The following DMD variants were observed in gnomAD, a reference collection of about 807,000 sequenced individuals.
DMD encodes the protein dystrophin, also known as mutant dystrophin.
In DMD, 63 loss-of-function variants were observed where a neutral mutation model predicts 330.1. The observed-to-expected ratio is 0.19, with a 90% CI of 0.16 to 0.24. DMD has a LOEUF of 0.24. DMD is among the 10% of genes least tolerant of loss of function. The pLI, the probability that DMD is intolerant of heterozygous loss-of-function variation, is 1.00. For synonymous variants in DMD, 1,223 were observed against 959.8 expected, an observed-to-expected ratio of 1.27 and a Z score of -5.07; for missense variants, 3,344 against 2,684.1, an observed-to-expected ratio of 1.25 and a Z score of -5.43.
At position 31,147,375 on chromosome X, in the gene DMD, C is replaced by A; in HGVS notation, c.10697G>T (p.Arg3566Leu). The A allele has an allele frequency of 8.3e-7, 1 of 1,209,943 alleles. No individual in the cohort carries two copies. Among genetic ancestry groups the A allele is most frequent in the Non-Finnish European group, 1.1e-6 (1 of 895,114 alleles). Residue 3566 changes from arginine to leucine, a missense_variant, in exon 75 of 79, where the codon CGT (arginine) becomes CTT (leucine). By Grantham distance (102) the Arg-to-Leu change is moderately radical. Transcript: ENST00000357033. Reference protein sequence around the residue: ...AELIAEAKLLRQHKGRLEARM... With the variant: ...AELIAEAKLLLQHKGRLEARM... ...GGCTTCCAGGCGGCCTTTGTGTTGA[C>A]GCAGTAGCTTGGCCTCAGCAATGAG...
At chrX:33,007,566 A>C (rs2093420959) in intron 2 of DMD, among the ~76,000 whole-genome samples, 1 of 111,661 alleles carries the variant, frequency 9.0e-6, no homozygotes, top group African/African-American at 3.2e-5. Context: ...TGCAGAGAGA[A>C]AAAACAAACA....
rs199774174 is a variant in DMD at position 32,863,537 on chromosome X, TACACACACACAC to T, written c.94-13729_94-13718del. 9.9e-3 allele frequency among the ~76,000 whole-genome samples: 775 copies of T among 78,229 alleles called. 16 individuals carry two copies. The highest frequency in any genetic ancestry group is 0.041 in the African/African-American group (651 of 15,947). 67.9% of individuals were successfully genotyped at this position (78,229 alleles called of 115,157 possible). On this transcript the variant is annotated intron_variant, in intron 2 of 78. Transcript: ENST00000357033. ...AAAAAAAAAAAAAAGATTGTGTTTA[TACACACACACAC>T]ACACACACACACACACACACACACA...
chrX:32,481,708 A>C, intron 21 of DMD, among the ~76,000 whole-genome samples: 1 of 111,836 alleles, frequency 8.9e-6, no homozygotes, highest in South Asian at 3.7e-4. Flanking sequence ...TTTGGTTCTA[A>C]CATCATCTCC....
intron 42 of DMD, among the ~76,000 whole-genome samples, chrX:32,309,700 T>C (rs1303275123): frequency 3.6e-5 from 4 of 111,226 alleles, no homozygotes; most frequent in African/African-American, 1.3e-4. Flanking sequence ...ACAATATACA[T>C]TACATATAAA....
At chrX:31,455,101 G>C (rs1484879809) in intron 59 of DMD, among the ~76,000 whole-genome samples, 1 of 107,837 alleles carries the variant, frequency 9.3e-6, no homozygotes, top group African/African-American at 3.4e-5. Flanking sequence ...GCTTACTCTT[G>C]ACTTAGAACC....
chrX:31,796,725 T>C (rs2091848567), intron 50 of DMD, among the ~76,000 whole-genome samples: 1 of 111,887 alleles, frequency 8.9e-6, no homozygotes, highest in Non-Finnish European at 1.9e-5. Context: ...TCCTCAATAT[T>C]GGAGGTGGGG....
At chrX:31,360,740 T>C (rs1254742189) in intron 60 of DMD, among the ~76,000 whole-genome samples, 1 of 111,889 alleles carries the variant, frequency 8.9e-6, no homozygotes, top group Non-Finnish European at 1.9e-5. Context: ...TCATGGACGG[T>C]TGAACAAAGA....
chrX:33,100,481 C>T (rs1033887910), intron 1 of DMD, among the ~76,000 whole-genome samples: 2 of 111,122 alleles, frequency 1.8e-5, no homozygotes, highest in Non-Finnish European at 3.8e-5. Flanking sequence ...CACCTGAGGC[C>T]AGGAGTTCGA....
chrX:32,602,633 G>A (rs2056320737), intron 12 of DMD, among the ~76,000 whole-genome samples: 1 of 111,185 alleles, frequency 9.0e-6, no homozygotes, highest in South Asian at 3.7e-4. Context: ...AGAACTACAG[G>A]AGTAATGGTG....
chrX:33,319,679 A>C (rs181526601), intron 1 of DMD, among the ~76,000 whole-genome samples: 19 of 112,377 alleles, frequency 1.7e-4, no homozygotes, highest in African/African-American at 5.8e-4. Flanking sequence ...ATGTAAATCT[A>C]GCAGAATGCA....
At chrX:32,229,970 G>C (rs2097163090) in intron 43 of DMD, among the ~76,000 whole-genome samples, 1 of 108,218 alleles carries the variant, frequency 9.2e-6, no homozygotes, top group South Asian at 4.0e-4. Flanking sequence ...AAACTTTGTA[G>C]TCTTTAACAC....
intron 60 of DMD, among the ~76,000 whole-genome samples, chrX:31,425,730 C>G: frequency 1.4e-5 from 1 of 73,094 alleles, no homozygotes; most frequent in Non-Finnish European, 2.2e-5. Flanking sequence ...TACAGTTATC[C>G]TTGAACCTTA....
chrX:31,907,166 G>C (rs1370079883), intron 47 of DMD, among the ~76,000 whole-genome samples: 1 of 111,774 alleles, frequency 8.9e-6, no homozygotes, highest in Non-Finnish European at 1.9e-5. Context: ...AGCTCAAGTA[G>C]TTTTGGGATG....
chrX:33,044,002 T>G (rs1423283933), intron 1 of DMD, among the ~76,000 whole-genome samples: 1 of 111,550 alleles, frequency 9.0e-6, no homozygotes, highest in Admixed American at 9.5e-5. Flanking sequence ...AATCTAAATC[T>G]GCAAAACGAA....
intron 13 of DMD, chrX:32,583,576 G>C (rs979870852): frequency 2.7e-5 from 3 of 112,053 alleles, no homozygotes; most frequent in African/African-American, 9.8e-5. Context: ...CATGAGGACA[G>C]GCAAGTAGAG....
At chrX:31,812,265 T>C (rs1283302297) in intron 50 of DMD, among the ~76,000 whole-genome samples, 2 of 109,550 alleles carry the variant, frequency 1.8e-5, no homozygotes, top group African/African-American at 6.6e-5. Context: ...ATGTCCTTTG[T>C]AGGGATATGG....
At chrX:32,495,053 G>A (rs2043352718) in intron 19 of DMD, among the ~76,000 whole-genome samples, 1 of 111,500 alleles carries the variant, frequency 9.0e-6, no homozygotes, top group African/African-American at 3.3e-5. Context: ...TGAGATTGAA[G>A]TTATAAAGAA....
intron 52 of DMD, among the ~76,000 whole-genome samples, chrX:31,712,263 T>C (rs929980297): frequency 2.7e-5 from 3 of 111,488 alleles, no homozygotes; most frequent in Non-Finnish European, 5.6e-5. Context: ...AGCACTGCTG[T>C]GGTTTCTTGG....
intron 44 of DMD, among the ~76,000 whole-genome samples, chrX:32,118,950 T>C (rs778684087): frequency 3.4e-4 from 38 of 111,262 alleles, no homozygotes; most frequent in Non-Finnish European, 6.2e-4. Flanking sequence ...GCTGAGCTGA[T>C]AGAAGGTGGA....
Sources: allele counts gnomAD v4.1 joint callset (sites outside exome capture counted in the v4.1 genomes callset), GRCh38; gene constraint gnomAD v4.1.1; transcripts MANE v1.5; gene names NCBI Gene and HGNC (gene_info 2026-07-23, HGNC 2026-07-21).